Variants in FBXL2 observed in about 807,000 individuals in gnomAD.
FBXL2 encodes F-box and leucine rich repeat protein 2.
Under a neutral mutation model 69.2 loss-of-function variants are expected in FBXL2, and 38 were observed. That is an observed-to-expected ratio of 0.55 (90% CI 0.42 to 0.72). The LOEUF is 0.72. FBXL2 is among the 30% of genes least tolerant of loss of function. The pLI, the probability that FBXL2 is intolerant of heterozygous loss-of-function variation, is 0.00. For synonymous variants in FBXL2, 192 were observed against 201.3 expected (o/e 0.95, Z 0.39); for missense variants, 354 against 520.3 (o/e 0.68, Z 3.11).
intron 13 of FBXL2, among the ~76,000 whole-genome samples, chr3:33,381,976 C>T (rs780050813): frequency 2.0e-5 from 3 of 152,220 alleles, no homozygotes; most frequent in South Asian, 2.1e-4. Flanking sequence ...TCCCTTCCCT[C>T]GAGGTGGTAC....
At chr3:33,371,713 A>AT (rs888713775) in intron 5 of FBXL2, among the ~76,000 whole-genome samples, 77 of 152,200 alleles carry the variant, frequency 5.1e-4, no homozygotes, top group African/African-American at 1.7e-3. Flanking sequence ...AATGCCAGAC[A>AT]TTTTGAATTT....
chr3:33,379,551 C>T (rs1471379568), intron 13 of FBXL2, among the ~76,000 whole-genome samples: 1 of 151,490 alleles, frequency 6.6e-6, no homozygotes, highest in Admixed American at 6.6e-5. Flanking sequence ...GACGGGGTTT[C>T]ACCATGTTGG....
intron 2 of FBXL2, among the ~76,000 whole-genome samples, chr3:33,314,830 C>G (rs1159030703): frequency 2.6e-5 from 4 of 152,138 alleles, no homozygotes; most frequent in African/African-American, 9.7e-5. Flanking sequence ...CTAACTTTTT[C>G]TTAGAACTTG....
intron 4 of FBXL2, among the ~76,000 whole-genome samples, chr3:33,359,650 T>C (rs1425668300): frequency 2.2e-4 from 33 of 152,086 alleles, no homozygotes; most frequent in Admixed American, 2.2e-3. Flanking sequence ...TGCTTTAACC[T>C]TAGGAGACTT....
intron 1 of FBXL2, among the ~76,000 whole-genome samples, chr3:33,285,941 A>G (rs1559486477): frequency 1.3e-5 from 2 of 152,106 alleles, no homozygotes; most frequent in South Asian, 4.1e-4. Context: ...CATTCGTCTA[A>G]TCTTTCTTCA....
At chr3:33,278,119 T>A (rs1028806674) in intron 1 of FBXL2, 5 of 152,202 alleles carry the variant, frequency 3.3e-5, no homozygotes, top group Admixed American at 2.0e-4. Flanking sequence ...ACTAAGGGAT[T>A]TAATTAATTC....
chr3:33,320,787 A>G (rs1392100600), intron 2 of FBXL2, among the ~76,000 whole-genome samples: 1 of 152,058 alleles, frequency 6.6e-6, no homozygotes, highest in South Asian at 2.1e-4. Flanking sequence ...CCAGGAAAGT[A>G]TTTCTAAAAC....
intron 2 of FBXL2, among the ~76,000 whole-genome samples, chr3:33,336,457 T>C (rs1192358761): frequency 6.6e-6 from 1 of 152,140 alleles, no homozygotes; most frequent in Non-Finnish European, 1.5e-5. Context: ...AGTTCATAGA[T>C]ATAAATGTGA....
chr3:33,352,359 T>C (rs528987821), intron 2 of FBXL2, among the ~76,000 whole-genome samples: 1 of 152,290 alleles, frequency 6.6e-6, no homozygotes. Context: ...ACAAAATTTC[T>C]AGAAGAAGTG....
downstream of FBXL2, chr3:33,392,445 T>G (rs917468375): frequency 6.9e-6 from 6 of 867,588 alleles, no homozygotes; most frequent in Non-Finnish European, 1.0e-5. Flanking sequence ...TTATCAAACT[T>G]TCTTCTTAAA....
At chr3:33,395,766 A>AG (rs1199777463) in intron 12 of FBXL2, among the ~76,000 whole-genome samples, 2 of 151,238 alleles carry the variant, frequency 1.3e-5, no homozygotes, top group South Asian at 2.1e-4. Flanking sequence ...AAAAAAAAAA[A>AG]AAAAAAAGAA....
chr3:33,393,222 A>G, intron 12 of FBXL2: 2 of 1,312,780 alleles, frequency 1.5e-6, no homozygotes, highest in Non-Finnish European at 2.1e-6. Context: ...GTATTTTCAA[A>G]AGAGGTCACA....
At chr3:33,374,192 G>A (rs2042483638) in intron 9 of FBXL2, among the ~76,000 whole-genome samples, 1 of 152,140 alleles carries the variant, frequency 6.6e-6, no homozygotes, top group African/African-American at 2.4e-5. Context: ...GAGTATTAGG[G>A]ACGCTATTGA....
At chr3:33,323,826 A>G (rs1283206771) in intron 2 of FBXL2, among the ~76,000 whole-genome samples, 3 of 152,166 alleles carry the variant, frequency 2.0e-5, no homozygotes, top group Non-Finnish European at 2.9e-5. Flanking sequence ...ATACCAAGTA[A>G]TGGCATTGCT....
intron 2 of FBXL2, among the ~76,000 whole-genome samples, chr3:33,298,782 A>G (rs1486678177): frequency 6.6e-6 from 1 of 151,614 alleles, no homozygotes; most frequent in East Asian, 1.9e-4. Flanking sequence ...AGGTGTACAC[A>G]TGGTAATCCT....
At chr3:33,315,723 A>T (rs1419528098) in intron 2 of FBXL2, among the ~76,000 whole-genome samples, 2 of 152,110 alleles carry the variant, frequency 1.3e-5, no homozygotes, top group African/African-American at 4.8e-5. Flanking sequence ...CATGTCGCTT[A>T]TCATTTTCTT....
At chr3:33,291,273 T>A (rs1470885829) in intron 1 of FBXL2, among the ~76,000 whole-genome samples, 1 of 152,178 alleles carries the variant, frequency 6.6e-6, no homozygotes, top group African/African-American at 2.4e-5. Context: ...TAAGCAAATC[T>A]GCTAACCTGG....
intron 12 of FBXL2, among the ~76,000 whole-genome samples, chr3:33,393,680 T>C (rs2043857314): frequency 6.6e-6 from 1 of 152,210 alleles, no homozygotes. Flanking sequence ...ACAAATATAA[T>C]TTAATAAACA....
At chr3:33,315,874 T>C (rs1215998617) in intron 2 of FBXL2, among the ~76,000 whole-genome samples, 1 of 152,090 alleles carries the variant, frequency 6.6e-6, no homozygotes, top group East Asian at 1.9e-4. Flanking sequence ...GTGAAATTAG[T>C]TTTTCTTAAT....
Sources: allele counts gnomAD v4.1 joint callset (sites outside exome capture counted in the v4.1 genomes callset), GRCh38; gene constraint gnomAD v4.1.1; transcripts MANE v1.5; gene names NCBI Gene and HGNC (gene_info 2026-07-23, HGNC 2026-07-21).